PREX1: variants seen among roughly 807,000 people sequenced by gnomAD.
The protein encoded by PREX1 is phosphatidylinositol 3,4,5-trisphosphate-dependent Rac exchanger 1 protein.
Under a neutral mutation model 198.3 loss-of-function variants are expected in PREX1, and 41 were observed. The observed-to-expected ratio is 0.21, with a 90% CI of 0.16 to 0.27. The LOEUF (loss-of-function observed/expected upper bound fraction) is 0.27, where lower values mean the gene tolerates loss of function less well. PREX1 is among the 10% of genes least tolerant of loss of function. The pLI, the probability that PREX1 is intolerant of heterozygous loss-of-function variation, is 1.00. For missense variants in PREX1, 1,620 were observed against 2,200.7 expected, an observed-to-expected ratio of 0.74 and a Z score of 5.28; for synonymous variants, 843 against 887.2, an observed-to-expected ratio of 0.95 and a Z score of 0.89.
Position 48,649,573 on chromosome 20 carries a change from T to A in PREX1, c.3032A>T (p.His1011Leu). The change falls in exon 25 of 40, where the codon CAC (histidine) becomes CTC (leucine). Residue 1011 changes from histidine to leucine, a missense_variant. Transcript: ENST00000371941. ...SLIGLDPEQG[H>L]LNPMSYTQHC... ...CTGGGTGTACGACATGGGGTTCAGG[T>A]GGCCTGCAGTGGAGGAAGAGAGAGC... The A allele has an allele frequency of 1.9e-6, 3 of 1,585,340 alleles. No individual in the cohort carries two copies. Among genetic ancestry groups the A allele is most frequent in the Non-Finnish European group, 2.6e-6 (3 of 1,164,270 alleles).
chr20:48,628,786 G>C (rs1025291262), intron 37 of PREX1, among the ~76,000 whole-genome samples: 4 of 152,214 alleles, frequency 2.6e-5, no homozygotes, highest in Admixed American at 2.0e-4. Flanking sequence ...CACTGGCCCC[G>C]TGAAACATTT....
the PREX1 span, among the ~76,000 whole-genome samples, chr20:48,862,725 G>T: frequency 4.1e-4 from 61 of 146,996 alleles, 2 homozygotes; most frequent in African/African-American, 1.5e-3. Flanking sequence ...TGTATAGGGG[G>T]TATATGTGTG....
At position 48,827,737 on chromosome 20, in the gene PREX1, C is replaced by G; in HGVS notation, c.124G>C (p.Glu42Gln). 2 of 1,317,302 alleles carry G rather than the reference C, an allele frequency of 1.5e-6. No individual in the cohort carries two copies. The highest frequency in any genetic ancestry group is 3.2e-5 in the East Asian group (1 of 31,560). 81.6% of individuals were successfully genotyped at this position (1,317,302 alleles called of 1,614,324 possible). A position where few individuals can be genotyped will look rare whatever the true frequency, so the allele number is the denominator to read the frequency against. Residue 42 changes from glutamate (E) to glutamine (Q), a missense_variant, in exon 1 of 40, where the codon GAG (glutamate) becomes CAG (glutamine). Glu to Gln is a conservative substitution (Grantham distance 29, BLOSUM62 2). Coordinates refer to ENST00000371941, the MANE Select transcript of PREX1 (RefSeq NM_020820.4). The surrounding 1 kb of genome is among the most constrained non-coding windows in gnomAD (Gnocchi z 4.1). ...SGPGPCAAAR[E>Q]SERQLRLRLC... ...CGGAGGCGCAGCTGGCGCTCGGACTCCCGGGCGGCCGCGCACGGGCCGGGG... is the reference window on the plus strand; with the variant it reads ...CGGAGGCGCAGCTGGCGCTCGGACTGCCGGGCGGCCGCGCACGGGCCGGGG...
chr20:48,689,863 T>C (rs1409010325), intron 9 of PREX1, among the ~76,000 whole-genome samples: 2 of 152,226 alleles, frequency 1.3e-5, no homozygotes, highest in East Asian at 1.9e-4. Flanking sequence ...TGGGCCCATA[T>C]TCCTGAGAGA....
chr20:48,711,395 T>C lies in PREX1; in HGVS notation c.622-2974A>G, dbSNP rs545500747. The stretch of plus-strand genomic sequence containing the variant: ...TACCCCAGTCCCAGGTTCCCTGAAG[T>C]GGTTTTTGGCATCTGGACCTTTGTG... On this transcript the variant is annotated intron_variant, in intron 5 of 39. Coordinates refer to ENST00000371941, the MANE Select transcript of PREX1 (RefSeq NM_020820.4). Among the ~76,000 whole-genome samples, 326 of 152,194 alleles carry C rather than the reference T, an allele frequency of 2.1e-3. 2 individuals carry two copies. Among genetic ancestry groups the C allele is most frequent in the African/African-American group, 7.6e-3 (314 of 41,504 alleles).
chr20:48,749,099 T>C (rs775815078), intron 1 of PREX1, among the ~76,000 whole-genome samples: 5 of 151,712 alleles, frequency 3.3e-5, no homozygotes, highest in African/African-American at 4.8e-5. Flanking sequence ...GGGATAAATG[T>C]TGGGGAAAGG....
chr20:48,660,393 G>T (rs1463246228), intron 15 of PREX1, among the ~76,000 whole-genome samples: 1 of 152,184 alleles, frequency 6.6e-6, no homozygotes, highest in Non-Finnish European at 1.5e-5. Flanking sequence ...CACATAAGAG[G>T]ACTAAGTGTT....
chr20:48,655,279 C>G lies in PREX1; in HGVS notation c.2209+11G>C. The G allele has an allele frequency of 6.5e-7, 1 of 1,547,166 alleles. No homozygotes were observed. The highest frequency in any genetic ancestry group is 8.9e-7 in the Non-Finnish European group (1 of 1,125,316). Reference sequence around the variant, plus strand: ...TGCACCTTTCCCCTCTCTCCCAAGGCTCCCACTCACCTCTCCCCACAGCAT... The same window carrying G: ...TGCACCTTTCCCCTCTCTCCCAAGGGTCCCACTCACCTCTCCCCACAGCAT... On this transcript the variant is annotated intron_variant, in intron 19 of 39. Coordinates refer to ENST00000371941, the MANE Select transcript of PREX1 (RefSeq NM_020820.4).
At chr20:48,805,453 C>A (rs535835791) in intron 1 of PREX1, among the ~76,000 whole-genome samples, 5 of 152,208 alleles carry the variant, frequency 3.3e-5, no homozygotes, top group Non-Finnish European at 7.3e-5. Context: ...AACAGAGAGA[C>A]CCCCTCCACC....
In PREX1 at chr20:48,649,582, G is replaced by A; in HGVS notation, c.3029-6C>T. Reference sequence around the variant, plus strand: ...CGACATGGGGTTCAGGTGGCCTGCAGTGGAGGAAGAGAGAGCTCACTGGAA... The same window carrying A: ...CGACATGGGGTTCAGGTGGCCTGCAATGGAGGAAGAGAGAGCTCACTGGAA... On this transcript the variant is annotated splice_region_variant and splice_polypyrimidine_tract_variant and intron_variant, in intron 24 of 39. Coordinates refer to ENST00000371941, the MANE Select transcript of PREX1 (RefSeq NM_020820.4). 6.3e-7 allele frequency: 1 copy of A among 1,578,442 alleles called. No individual in the cohort carries two copies. Among genetic ancestry groups the A allele is most frequent in the Non-Finnish European group, 8.6e-7 (1 of 1,160,428 alleles).
intron 3 of PREX1, among the ~76,000 whole-genome samples, chr20:48,739,856 C>T (rs747313422): frequency 7.2e-5 from 11 of 152,220 alleles, no homozygotes; most frequent in Non-Finnish European, 1.6e-4. Context: ...TTGGTTTCCT[C>T]ATCTGTAAAA....
In PREX1 at chr20:48,666,760, C is replaced by T. The variant is rs1348730627; in HGVS notation, c.1666-405G>A. Among the ~76,000 whole-genome samples, 6 of 152,054 alleles carry T rather than the reference C, an allele frequency of 3.9e-5. No homozygotes were observed. Among genetic ancestry groups the T allele is most frequent in the Admixed American group, 2.0e-4 (3 of 15,266 alleles). The stretch of plus-strand genomic sequence containing the variant: ...CAGGATGGTCTCAATCTCCTGACCT[C>T]GTGATCCGTCCGTCTTGGCCTCCCA... On this transcript the variant is annotated intron_variant, in intron 14 of 39. Transcript: ENST00000371941. The surrounding 1 kb of genome is among the most constrained non-coding windows in gnomAD (Gnocchi z 4.3).
At chr20:48,885,601 A>C in the PREX1 span, among the ~76,000 whole-genome samples, 1 of 152,138 alleles carries the variant, frequency 6.6e-6, no homozygotes, top group Non-Finnish European at 1.5e-5. Context: ...AAACCTGTAC[A>C]TCATGTTTAT....
At chr20:48,715,433 T>C (rs997387022) in intron 5 of PREX1, among the ~76,000 whole-genome samples, 4 of 152,224 alleles carry the variant, frequency 2.6e-5, no homozygotes, top group African/African-American at 9.7e-5. Context: ...AAACCCATTA[T>C]CAGATGATGA....
In PREX1 at chr20:48,700,994, CA is replaced by C. The variant is rs2089871011; in HGVS notation, c.784-109del. ...TCCTGCCACATGCCAAAAACTCCACCAGCAAGTCTGTCAATGGACAGAAAAT... is the reference window on the plus strand; with the variant it reads ...TCCTGCCACATGCCAAAAACTCCACCGCAAGTCTGTCAATGGACAGAAAAT... On this transcript the variant is annotated intron_variant, in intron 6 of 39. Coordinates refer to ENST00000371941, the MANE Select transcript of PREX1 (RefSeq NM_020820.4). 9 of 1,443,360 alleles carry C rather than the reference CA, an allele frequency of 6.2e-6. No individual in the cohort carries two copies. In the South Asian group the frequency reaches 1.1e-4, roughly 17 times the overall value. The allele number at this position is 1,443,360 out of a possible 1,614,324, so 89.4% of individuals were successfully genotyped here.
At chr20:48,695,843 G>T (rs1328615198) in intron 7 of PREX1, among the ~76,000 whole-genome samples, 1 of 152,164 alleles carries the variant, frequency 6.6e-6, no homozygotes, top group African/African-American at 2.4e-5. Flanking sequence ...AGGCCATATG[G>T]TCTCTGTTAC....
At chr20:48,803,755 C>T (rs757148662) in intron 1 of PREX1, among the ~76,000 whole-genome samples, 1 of 152,162 alleles carries the variant, frequency 6.6e-6, no homozygotes, top group Non-Finnish European at 1.5e-5. Context: ...GTGACCCAGG[C>T]GTGGGCAATC....
intron 13 of PREX1, 58 bp from the exon 14 acceptor site, chr20:48,676,326 G>A: frequency 1.3e-6 from 2 of 1,539,020 alleles, no homozygotes; most frequent in Admixed American, 1.7e-5. Flanking sequence ...AGAGGTGGGG[G>A]TGGTCCTGAC....
At chr20:48,855,124 T>C in the PREX1 span, among the ~76,000 whole-genome samples, 1 of 152,098 alleles carries the variant, frequency 6.6e-6, no homozygotes, top group African/African-American at 2.4e-5. Context: ...GTATAAAAAA[T>C]AGCTAGAAAA....
Sources: allele counts gnomAD v4.1 joint callset (sites outside exome capture counted in the v4.1 genomes callset), GRCh38; gene constraint gnomAD v4.1.1; non-coding constraint Gnocchi (gnomAD v3.1); transcripts MANE v1.5; gene names NCBI Gene and HGNC (gene_info 2026-07-23, HGNC 2026-07-21).